FER: variants seen among roughly 807,000 people sequenced by gnomAD.
FER encodes the protein FER tyrosine kinase.
FER carries 63 observed loss-of-function variants against 111.0 expected under a neutral mutation model. That is an observed-to-expected ratio of 0.57 (90% confidence interval 0.46 to 0.70). The LOEUF (loss-of-function observed/expected upper bound fraction) is 0.70, where lower values mean the gene tolerates loss of function less well. FER is among the 30% of genes least tolerant of loss of function. FER has a pLI of 0.00. For missense variants in FER, 914 were observed against 954.0 expected (o/e 0.96, Z 0.55); for synonymous variants, 327 against 313.9 (o/e 1.04, Z -0.44).
chr5:109,132,075 A>G (rs998482678), intron 17 of FER, among the ~76,000 whole-genome samples: 1 of 152,180 alleles, frequency 6.6e-6, no homozygotes, highest in East Asian at 1.9e-4. Flanking sequence ...TACTTTTATT[A>G]TCATCAATAT....
rs554845712 is a variant in FER, at chr5:108,839,505, A to G, written c.481+3698A>G. On this transcript the variant is annotated intron_variant, in intron 5 of 19. Coordinates refer to ENST00000281092, the MANE Select transcript of FER (RefSeq NM_005246.4). ...AATATCCAATGGGTTTTTAAAAAGA[A>G]TAAGTAGAGCAGGAAGCAGAAAGTA... 2.6e-5 allele frequency among the ~76,000 whole-genome samples: 4 copies of G among 152,150 alleles called. No individual in the cohort carries two copies. The South Asian group carries it at 8.3e-4, about 32-fold the overall frequency.
At chr5:108,786,923 T>C (rs1023915307) in intron 2 of FER, among the ~76,000 whole-genome samples, 5 of 152,216 alleles carry the variant, frequency 3.3e-5, no homozygotes, top group Non-Finnish European at 5.9e-5. Context: ...ACATTGCTAA[T>C]GATGGTGGTG....
At chr5:109,142,271 G>T (rs1026350285) in intron 17 of FER, among the ~76,000 whole-genome samples, 1 of 152,070 alleles carries the variant, frequency 6.6e-6, no homozygotes, top group African/African-American at 2.4e-5. Context: ...TTAAGTTGTC[G>T]ATATTAGAAC....
At chr5:109,086,283 A>T (rs1435931929) in intron 16 of FER, among the ~76,000 whole-genome samples, 4 of 114,920 alleles carry the variant, frequency 3.5e-5, no homozygotes, top group Non-Finnish European at 7.5e-5. Context: ...ATCGGTCCTT[A>T]CATCCATTTG....
chr5:108,757,577 AT>A (rs1751257818), intron 1 of FER, among the ~76,000 whole-genome samples: 1 of 152,156 alleles, frequency 6.6e-6, no homozygotes, highest in South Asian at 2.1e-4. Flanking sequence ...TTTGTGAAAC[AT>A]TTTCATTGAG....
At chr5:109,016,374 C>T (rs1482804605) in intron 13 of FER, among the ~76,000 whole-genome samples, 1 of 151,988 alleles carries the variant, frequency 6.6e-6, no homozygotes, top group Non-Finnish European at 1.5e-5. Context: ...ATTAAAACTT[C>T]ACTGTGTATC....
rs973292602 is a variant in FER, at chr5:108,838,432, C to T, written c.481+2625C>T. On this transcript the variant is annotated intron_variant, in intron 5 of 19. Coordinates refer to ENST00000281092, the MANE Select transcript of FER (RefSeq NM_005246.4). ...AGAGCATCCAATTAGAGAAGACAGG[C>T]CTTGGGGAAACAAGGCCTGGAAATA... Among the ~76,000 whole-genome samples the T allele has an allele frequency of 3.3e-5, 5 of 152,170 alleles. No homozygotes were observed. The East Asian group carries it at 7.7e-4, about 24-fold the overall frequency.
intron 3 of FER, among the ~76,000 whole-genome samples, chr5:108,804,968 C>CT (rs112888695): frequency 0.21 from 29,052 of 140,566 alleles, 2,977 homozygotes; most frequent in African/African-American, 0.28. Flanking sequence ...ATTTAGTCTG[C>CT]TTTTTTTTTT....
At chr5:109,159,052 A>T (rs942903613) in intron 17 of FER, among the ~76,000 whole-genome samples, 2 of 152,138 alleles carry the variant, frequency 1.3e-5, no homozygotes, top group African/African-American at 2.4e-5. Flanking sequence ...CACATTTTTT[A>T]AAAATAAACT....
At chr5:109,177,560 G>A (rs2126835808) in intron 17 of FER, 1 of 128,896 alleles carries the variant, frequency 7.8e-6, no homozygotes, top group Admixed American at 7.6e-5. Context: ...AACAAGACGT[G>A]CACCATTGTG....
chr5:109,008,091 T>C (rs1432948856), intron 13 of FER, among the ~76,000 whole-genome samples: 1 of 152,200 alleles, frequency 6.6e-6, no homozygotes, highest in Non-Finnish European at 1.5e-5. Flanking sequence ...TGGGCACTTT[T>C]GACAACCACA....
intron 14 of FER, among the ~76,000 whole-genome samples, chr5:109,040,584 C>A: frequency 6.6e-6 from 1 of 152,048 alleles, no homozygotes; most frequent in Non-Finnish European, 1.5e-5. Flanking sequence ...AGGTGAAAGC[C>A]AGTTTGGAAT....
intron 1 of FER, among the ~76,000 whole-genome samples, chr5:108,757,282 G>T (rs964835863): frequency 7.2e-5 from 11 of 152,092 alleles, no homozygotes; most frequent in African/African-American, 2.4e-4. Context: ...CATGCTCCTG[G>T]CTAACAGTCT....
intron 11 of FER, among the ~76,000 whole-genome samples, chr5:108,948,715 A>G (rs965517850): frequency 1.3e-5 from 2 of 152,054 alleles, no homozygotes; most frequent in East Asian, 3.9e-4. Context: ...CCCTTTTTCT[A>G]GGGCCATCTA....
chr5:108,821,786 A>G (rs1758869815), intron 3 of FER, among the ~76,000 whole-genome samples: 2 of 152,162 alleles, frequency 1.3e-5, no homozygotes, highest in Non-Finnish European at 2.9e-5. Context: ...TATATGTTGT[A>G]TAATGATTAC....
At chr5:109,174,975 A>T (rs1025317581) in intron 17 of FER, among the ~76,000 whole-genome samples, 1 of 152,096 alleles carries the variant, frequency 6.6e-6, no homozygotes, top group Non-Finnish European at 1.5e-5. Context: ...CAGTTTTATC[A>T]TCTATAGGAA....
At position 109,188,610 on chromosome 5, in the gene FER, A is replaced by G. The variant is rs1562011659; in HGVS notation, c.*1035A>G. On this transcript the variant is annotated 3_prime_UTR_variant, in exon 20 of 20. Transcript: ENST00000281092. ...GAGTTATGCCTTTCTAAACATCTAAACAAACAAACATTCACATATTCTATT... is the reference window on the plus strand; with the variant it reads ...GAGTTATGCCTTTCTAAACATCTAAGCAAACAAACATTCACATATTCTATT... The G allele has an allele frequency of 6.6e-6, 1 of 152,092 alleles. No homozygotes were observed. The highest frequency in any genetic ancestry group is 6.5e-5 in the Admixed American group (1 of 15,284). 9.4% of individuals were successfully genotyped at this position (152,092 alleles called of 1,614,324 possible). A position where few individuals can be genotyped will look rare whatever the true frequency, so the allele number is the denominator to read the frequency against.
At position 109,188,398 on chromosome 5, in the gene FER, A is replaced by AAAG. The variant is rs1255489923; in HGVS notation, c.*826_*828dup. The AAAG allele has an allele frequency of 6.7e-6, 1 of 149,466 alleles. No individual in the cohort carries two copies. Among genetic ancestry groups the AAAG allele is most frequent in the East Asian group, 2.0e-4 (1 of 5,076 alleles). The allele number at this position is 149,466 out of a possible 1,614,324, so 9.3% of individuals were successfully genotyped here. Reference sequence around the variant, plus strand: ...AACCCTGTCTCTACCAAAAAAAAAAAAAGAAACACACACACAACGCATGAA... The same window carrying AAAG: ...AACCCTGTCTCTACCAAAAAAAAAAAAAGAAGAAACACACACACAACGCATGAA... On this transcript the variant is annotated 3_prime_UTR_variant, in exon 20 of 20. Transcript: ENST00000281092.
chr5:108,764,645 C>T (rs1752117875), intron 1 of FER, among the ~76,000 whole-genome samples: 2 of 152,204 alleles, frequency 1.3e-5, no homozygotes, highest in South Asian at 4.1e-4. Flanking sequence ...GATCCACCCA[C>T]CTTGACCTCC....
Sources: gnomAD v4.1 joint callset for allele counts (sites outside exome capture counted in the v4.1 genomes callset) on GRCh38, gnomAD v4.1.1 for gene constraint, MANE v1.5 for transcripts, NCBI Gene and HGNC (gene_info 2026-07-23, HGNC 2026-07-21) for gene names.